Variants in BMPR2 observed in about 807,000 individuals in gnomAD.
The protein encoded by BMPR2 is bone morphogenetic protein receptor type 2, also known as bone morphogenetic protein receptor type-2.
Under a neutral mutation model 100.8 loss-of-function variants are expected in BMPR2, and 29 were observed. That is an observed-to-expected ratio of 0.29 (90% confidence interval 0.21 to 0.39). The LOEUF is 0.39. Ranked by LOEUF, BMPR2 falls within the 10% of genes least tolerant of loss-of-function variation. BMPR2 has a pLI of 1.00. For missense variants in BMPR2, 1,011 were observed against 1,274.5 expected (o/e 0.79, Z 3.15); for synonymous variants, 382 against 442.3 (o/e 0.86, Z 1.71).
At chr2:202,393,382 C>A (rs1690588870) in intron 1 of BMPR2, among the ~76,000 whole-genome samples, 1 of 152,126 alleles carries the variant, frequency 6.6e-6, no homozygotes, top group Non-Finnish European at 1.5e-5. Flanking sequence ...ATTGCCCTTG[C>A]CTTTGCTTTG....
At chr2:202,473,536 A>G (rs1692477917) in intron 3 of BMPR2, among the ~76,000 whole-genome samples, 1 of 152,186 alleles carries the variant, frequency 6.6e-6, no homozygotes, top group Non-Finnish European at 1.5e-5. Flanking sequence ...TACGCCACTA[A>G]TCTCAGCAGT....
At chr2:202,521,974 C>T (rs922921634) in intron 7 of BMPR2, among the ~76,000 whole-genome samples, 14 of 152,044 alleles carry the variant, frequency 9.2e-5, no homozygotes, top group Non-Finnish European at 2.1e-4. Flanking sequence ...GCATGGGCAA[C>T]AAAGTGGGAC....
intron 1 of BMPR2, among the ~76,000 whole-genome samples, chr2:202,421,680 A>C (rs570976549): frequency 6.6e-6 from 1 of 151,684 alleles, no homozygotes; most frequent in South Asian, 2.1e-4. Flanking sequence ...AGGGAGGTGA[A>C]TGGAACTAGA....
chr2:202,494,795 A>G (rs960035760), intron 3 of BMPR2, among the ~76,000 whole-genome samples: 2 of 152,238 alleles, frequency 1.3e-5, no homozygotes, highest in Non-Finnish European at 2.9e-5. Flanking sequence ...GTACACGTGA[A>G]TACACATATT....
intron 1 of BMPR2, among the ~76,000 whole-genome samples, chr2:202,459,186 C>G (rs1050080676): frequency 6.6e-6 from 1 of 152,202 alleles, no homozygotes; most frequent in African/African-American, 2.4e-5. Flanking sequence ...AACCCTCACA[C>G]TCCTCTTTTT....
At chr2:202,415,072 A>G (rs1482129517) in intron 1 of BMPR2, among the ~76,000 whole-genome samples, 1 of 152,130 alleles carries the variant, frequency 6.6e-6, no homozygotes, top group Non-Finnish European at 1.5e-5. Flanking sequence ...TAAGGAAGCT[A>G]CAGAAGAAAA....
chr2:202,527,660 G>A (rs1221681411), intron 7 of BMPR2, among the ~76,000 whole-genome samples: 7 of 151,614 alleles, frequency 4.6e-5, no homozygotes, highest in Admixed American at 1.3e-4. Context: ...GGTGGCGGGC[G>A]CCTGTAGTCC....
intron 1 of BMPR2, among the ~76,000 whole-genome samples, chr2:202,423,349 A>T (rs994965687): frequency 1.3e-5 from 2 of 152,220 alleles, no homozygotes; most frequent in Admixed American, 6.5e-5. Context: ...TCCAAAAGTG[A>T]CCATGTGAGA....
chr2:202,524,081 G>T (rs1258514630), intron 7 of BMPR2, among the ~76,000 whole-genome samples: 1 of 152,012 alleles, frequency 6.6e-6, no homozygotes, highest in African/African-American at 2.4e-5. Flanking sequence ...TAACTGTTGG[G>T]GCCGGACGCG....
chr2:202,424,070 CAAAAA>C (rs773518674), intron 1 of BMPR2, among the ~76,000 whole-genome samples: 4 of 58,774 alleles, frequency 6.8e-5, no homozygotes, highest in Non-Finnish European at 1.2e-4. Context: ...AAGACTGTCT[CAAAAA>C]AAAAAAAAAA....
At chr2:202,466,605 T>C (rs1445609386) in intron 2 of BMPR2, among the ~76,000 whole-genome samples, 1 of 131,802 alleles carries the variant, frequency 7.6e-6, no homozygotes, top group African/African-American at 2.9e-5. Context: ...ATATATATTA[T>C]TTATTTATTT....
At chr2:202,551,453 G>T (rs951784887) in intron 10 of BMPR2, among the ~76,000 whole-genome samples, 1 of 151,966 alleles carries the variant, frequency 6.6e-6, no homozygotes, top group African/African-American at 2.4e-5. Context: ...GAACCCGGGA[G>T]GCGGAAGTTG....
At chr2:202,452,689 TATTC>T (rs1257056483) in intron 1 of BMPR2, among the ~76,000 whole-genome samples, 2 of 152,216 alleles carry the variant, frequency 1.3e-5, no homozygotes, top group Admixed American at 6.5e-5. Context: ...ATAATTTACT[TATTC>T]AATAAATACT....
intron 7 of BMPR2, among the ~76,000 whole-genome samples, chr2:202,526,020 C>T (rs1001235771): frequency 2.6e-5 from 4 of 151,914 alleles, no homozygotes; most frequent in African/African-American, 4.8e-5. Context: ...CATGCACCAC[C>T]ACGCCCAGCT....
intron 1 of BMPR2, among the ~76,000 whole-genome samples, chr2:202,416,594 T>A (rs1340526874): frequency 6.6e-6 from 1 of 150,676 alleles, no homozygotes; most frequent in Non-Finnish European, 1.5e-5. Context: ...CCCAGCTAAT[T>A]TTTGTATTTT....
At chr2:202,558,691 C>T (rs1041668803) in intron 12 of BMPR2, among the ~76,000 whole-genome samples, 3 of 148,418 alleles carry the variant, frequency 2.0e-5, no homozygotes, top group Admixed American at 6.7e-5. Context: ...GTCGGGAGTT[C>T]GAGACCAACC....
Position 202,439,743 on chromosome 2 carries a change from T to C in BMPR2, c.77-25066T>C, listed in dbSNP as rs552885411. 1.3e-4 allele frequency among the ~76,000 whole-genome samples: 19 copies of C among 147,644 alleles called. 1 individual carries two copies. Among genetic ancestry groups the C allele is most frequent in the African/African-American group, 4.5e-4 (17 of 37,754 alleles). ...GCTGTTAGTTGTGGGTTTTTCTTTT[T>C]TCTTTTTTCTTTTTTTTTAGTATTT... On this transcript the variant is annotated intron_variant, in intron 1 of 12. Transcript: ENST00000374580.
chr2:202,461,434 A>G (rs1164170570), intron 1 of BMPR2, among the ~76,000 whole-genome samples: 2 of 152,168 alleles, frequency 1.3e-5, no homozygotes, highest in Admixed American at 1.3e-4. Context: ...CAGTGAGTCG[A>G]GATCATGCCA....
At chr2:202,516,972 C>T (rs1426174534) in intron 5 of BMPR2, among the ~76,000 whole-genome samples, 1 of 152,052 alleles carries the variant, frequency 6.6e-6, no homozygotes, top group East Asian at 1.9e-4. Flanking sequence ...CCAAAAATAA[C>T]GAGAATGGGT....
Sources: allele counts gnomAD v4.1 joint callset (sites outside exome capture counted in the v4.1 genomes callset), GRCh38; gene constraint gnomAD v4.1.1; transcripts MANE v1.5; gene names NCBI Gene and HGNC (gene_info 2026-07-23, HGNC 2026-07-21).